CNGA3: variants seen among roughly 807,000 people sequenced by gnomAD.
CNGA3 encodes cyclic nucleotide-gated channel alpha-3.
A neutral mutation model predicts 46.6 loss-of-function variants in CNGA3; 42 were observed. That is an observed-to-expected ratio of 0.90 (90% CI 0.70 to 1.17). CNGA3 has a LOEUF of 1.17. Ranked by LOEUF, CNGA3 falls within the 50% of genes most tolerant of loss-of-function variation. CNGA3 has a pLI of 0.00. For synonymous variants in CNGA3, 394 were observed against 369.4 expected, an observed-to-expected ratio of 1.07 and a Z score of -0.76; for missense variants, 893 against 890.7, an observed-to-expected ratio of 1.00 and a Z score of -0.03.
intron 1 of CNGA3, among the ~76,000 whole-genome samples, chr2:98,361,075 G>C (rs189627831): frequency 2.0e-3 from 306 of 151,934 alleles, no homozygotes; most frequent in South Asian, 5.6e-3. Flanking sequence ...GTGCAGGTTT[G>C]TTACATAGGT....
In CNGA3 at chr2:98,380,344, A is replaced by T. The variant is rs1372689291; in HGVS notation, c.385A>T (p.Arg129Ter). The change falls in exon 4 of 8, where the codon AGA becomes TGA. Residue 129 changes from arginine (R) to a stop codon, truncating the protein, a stop_gained. Coordinates refer to ENST00000272602, the MANE Select transcript of CNGA3 (RefSeq NM_001298.3). LOFTEE classifies it high-confidence loss of function. ...ANVGSQEPAD[R>*]GRSAWPLAKC... Reference sequence around the variant, plus strand: ...TGTGGGCAGCCAGGAGCCAGCAGACAGAGGGAGAAGGTAAGGAACGGAAAA... The same window carrying T: ...TGTGGGCAGCCAGGAGCCAGCAGACTGAGGGAGAAGGTAAGGAACGGAAAA... 6.2e-7 allele frequency: 1 copy of T among 1,614,090 alleles called. No individual in the cohort carries two copies. Among genetic ancestry groups the T allele is most frequent in the African/African-American group, 1.3e-5 (1 of 75,062 alleles).
At chr2:98,373,581 G>C (rs970881408) in intron 2 of CNGA3, among the ~76,000 whole-genome samples, 1 of 152,040 alleles carries the variant, frequency 6.6e-6, no homozygotes, top group African/African-American at 2.4e-5. Flanking sequence ...TTTTTATAGT[G>C]GAAAGTCATA....
intron 7 of CNGA3, among the ~76,000 whole-genome samples, chr2:98,392,484 C>T (rs956705608): frequency 3.3e-5 from 5 of 151,886 alleles, no homozygotes; most frequent in Non-Finnish European, 7.4e-5. Context: ...CGCTTGAACC[C>T]CGGGAGGTGG....
chr2:98,371,199 TG>T (rs1358377456), intron 2 of CNGA3, among the ~76,000 whole-genome samples: 1 of 152,176 alleles, frequency 6.6e-6, no homozygotes, highest in Non-Finnish European at 1.5e-5. Context: ...CTGTTATTTT[TG>T]CCCTATATAT....
chr2:98,362,606 G>T (rs776579233), intron 1 of CNGA3, among the ~76,000 whole-genome samples: 1 of 151,892 alleles, frequency 6.6e-6, no homozygotes, highest in Non-Finnish European at 1.5e-5. Flanking sequence ...TAGGTTGTCT[G>T]TTCACTCTGA....
At chr2:98,358,009 A>G (rs1440364027) in intron 1 of CNGA3, among the ~76,000 whole-genome samples, 1 of 152,230 alleles carries the variant, frequency 6.6e-6, no homozygotes. Flanking sequence ...GGGGTTACTG[A>G]GGATTCACGC....
intron 1 of CNGA3, among the ~76,000 whole-genome samples, chr2:98,364,970 G>A (rs1692112642): frequency 6.6e-6 from 1 of 152,072 alleles, no homozygotes; most frequent in Admixed American, 6.6e-5. Context: ...GGGTTTCTGG[G>A]GAGAGGTCCA....
At chr2:98,370,905 A>G (rs950256662) in intron 2 of CNGA3, among the ~76,000 whole-genome samples, 1 of 152,172 alleles carries the variant, frequency 6.6e-6, no homozygotes, top group Non-Finnish European at 1.5e-5. Context: ...AATTAGTGCA[A>G]TCTCGGCTCA....
intron 7 of CNGA3, among the ~76,000 whole-genome samples, chr2:98,395,122 C>T (rs1692877623): frequency 6.6e-6 from 1 of 152,130 alleles, no homozygotes; most frequent in Non-Finnish European, 1.5e-5. Flanking sequence ...GGTGTACCTT[C>T]AACCTTGATA....
At chr2:98,369,849 G>A (rs1692244639) in intron 1 of CNGA3, 90 bp from the exon 2 acceptor site, 4 of 776,488 alleles carry the variant, frequency 5.2e-6, no homozygotes, top group African/African-American at 1.7e-5. Context: ...TTGCAGGGGG[G>A]CCGCGTGCGG....
At chr2:98,377,326 A>G in intron 2 of CNGA3, 1 of 243,296 alleles carries the variant, frequency 4.1e-6, no homozygotes, top group Non-Finnish European at 8.2e-6. Flanking sequence ...TTGGAACCAA[A>G]ATCCTCGTTC....
At chr2:98,378,823 G>T (rs1479041944) in intron 3 of CNGA3, among the ~76,000 whole-genome samples, 1 of 152,222 alleles carries the variant, frequency 6.6e-6, no homozygotes, top group Non-Finnish European at 1.5e-5. Context: ...GGGGACCTGG[G>T]GAGGTAGTCA....
At chr2:98,357,061 C>T (rs1431949538) in intron 1 of CNGA3, among the ~76,000 whole-genome samples, 1 of 152,216 alleles carries the variant, frequency 6.6e-6, no homozygotes, top group Admixed American at 6.5e-5. Flanking sequence ...ACCAGTTCCT[C>T]CATTTATCAC....
intron 5 of CNGA3, 145 bp from the exon 6 acceptor site, chr2:98,389,513 A>G (rs1027576698): frequency 1.3e-6 from 1 of 758,792 alleles, no homozygotes; most frequent in Admixed American, 1.8e-5. Context: ...GGGACTCCCC[A>G]TGTGACTCCC....
chr2:98,364,669 G>A (rs1034571869), intron 1 of CNGA3, among the ~76,000 whole-genome samples: 1 of 152,160 alleles, frequency 6.6e-6, no homozygotes, highest in African/African-American at 2.4e-5. Context: ...GATGTCAGGT[G>A]GTTATTTTGC....
chr2:98,347,480 T>C (rs1204325650), intron 1 of CNGA3, among the ~76,000 whole-genome samples: 1 of 152,166 alleles, frequency 6.6e-6, no homozygotes, highest in Admixed American at 6.5e-5. Flanking sequence ...TTTCTCCCTG[T>C]GTAATCTCCC....
chr2:98,375,027 G>A (rs900195882), intron 2 of CNGA3, among the ~76,000 whole-genome samples: 19 of 152,232 alleles, frequency 1.2e-4, no homozygotes. Flanking sequence ...AGGTGCTGGA[G>A]CAGGGACTCA....
intron 1 of CNGA3, among the ~76,000 whole-genome samples, chr2:98,369,713 T>A (rs1485356454): frequency 6.6e-6 from 1 of 152,186 alleles, no homozygotes; most frequent in Non-Finnish European, 1.5e-5. Context: ...CTCTTCAGCA[T>A]GGTAGCATAA....
At chr2:98,364,938 C>T (rs894717169) in intron 1 of CNGA3, among the ~76,000 whole-genome samples, 2 of 152,096 alleles carry the variant, frequency 1.3e-5, no homozygotes, top group African/African-American at 4.8e-5. Flanking sequence ...GAATATTGGC[C>T]TCCAATCTCT....
Sources: allele counts gnomAD v4.1 joint callset (sites outside exome capture counted in the v4.1 genomes callset), GRCh38; gene constraint gnomAD v4.1.1; transcripts MANE v1.5; gene names NCBI Gene and HGNC (gene_info 2026-07-23, HGNC 2026-07-21).